Variants in NCOA1 observed in about 807,000 individuals in gnomAD.
The protein encoded by NCOA1 is Hin-2 protein.
NCOA1 carries 35 observed loss-of-function variants against 150.9 expected under a neutral mutation model. The observed-to-expected ratio is 0.23, with a 90% confidence interval of 0.18 to 0.31. The LOEUF (loss-of-function observed/expected upper bound fraction) is 0.31, where lower values mean the gene tolerates loss of function less well. Among genes scored for constraint, NCOA1 ranks in the 10% least tolerant of loss-of-function variants. The pLI, the probability that NCOA1 is intolerant of heterozygous loss-of-function variation, is 1.00. For missense variants in NCOA1, 1,491 were observed against 1,749.3 expected (o/e 0.85, Z 2.63); for synonymous variants, 590 against 630.0 (o/e 0.94, Z 0.95).
At chr2:24,669,604 A>G (rs1671594947) in intron 6 of NCOA1, among the ~76,000 whole-genome samples, 1 of 152,218 alleles carries the variant, frequency 6.6e-6, no homozygotes, top group Admixed American at 6.5e-5. Context: ...TCTTACCCTC[A>G]TGTAATAAAA....
chr2:24,665,493 G>T (rs1217508439), intron 5 of NCOA1, among the ~76,000 whole-genome samples: 1 of 152,052 alleles, frequency 6.6e-6, no homozygotes, highest in African/African-American at 2.4e-5. Context: ...AAATATTCAA[G>T]ATGTATATAT....
intron 4 of NCOA1, among the ~76,000 whole-genome samples, chr2:24,653,381 A>G (rs948154566): frequency 6.6e-6 from 1 of 152,144 alleles, no homozygotes; most frequent in Non-Finnish European, 1.5e-5. Context: ...TTTTTTTCCC[A>G]TTGAAAGACA....
chr2:24,494,525 A>C (rs975191232), intron 1 of NCOA1, among the ~76,000 whole-genome samples: 16 of 152,192 alleles, frequency 1.1e-4, no homozygotes, highest in African/African-American at 3.9e-4. Flanking sequence ...AATCTAAGTC[A>C]TGGAGCATAG....
intron 8 of NCOA1, among the ~76,000 whole-genome samples, chr2:24,687,022 A>C (rs1327430881): frequency 6.6e-6 from 1 of 152,058 alleles, no homozygotes; most frequent in African/African-American, 2.4e-5. Context: ...AACTTCAAGG[A>C]AGCGCCTTTC....
At chr2:24,624,592 G>A (rs943246764) in intron 3 of NCOA1, among the ~76,000 whole-genome samples, 4 of 152,144 alleles carry the variant, frequency 2.6e-5, no homozygotes, top group African/African-American at 9.7e-5. Flanking sequence ...GAAGAGTCAA[G>A]GGAGTTTTCT....
At chr2:24,753,119 T>C (rs1664331825) in intron 20 of NCOA1, among the ~76,000 whole-genome samples, 1 of 132,810 alleles carries the variant, frequency 7.5e-6, no homozygotes, top group African/African-American at 2.8e-5. Context: ...GGACCATGTA[T>C]AAATTAGGTA....
At chr2:24,587,812 T>G (rs1667478435) in intron 3 of NCOA1, among the ~76,000 whole-genome samples, 2 of 152,226 alleles carry the variant, frequency 1.3e-5, no homozygotes, top group South Asian at 4.1e-4. Context: ...ATATACCCAT[T>G]GCTTGGCGGC....
At chr2:24,751,855 A>G in intron 19 of NCOA1, 127 bp from the exon 20 acceptor site, 1 of 930,190 alleles carries the variant, frequency 1.1e-6, no homozygotes, top group African/African-American at 1.7e-5. Context: ...ATATTGCCTG[A>G]CACAAGACAA....
At chr2:24,523,983 C>T (rs1250722953) in intron 1 of NCOA1, among the ~76,000 whole-genome samples, 4 of 137,818 alleles carry the variant, frequency 2.9e-5, no homozygotes, top group South Asian at 2.3e-4. Flanking sequence ...GATTTGAAGA[C>T]CCAAAATTAG....
chr2:24,610,677 A>G (rs1319879635), intron 3 of NCOA1, among the ~76,000 whole-genome samples: 1 of 151,406 alleles, frequency 6.6e-6, no homozygotes, highest in Non-Finnish European at 1.5e-5. Context: ...TATATTTGAT[A>G]ATTCTAATAT....
At chr2:24,536,971 G>T (rs1665173645) in intron 1 of NCOA1, among the ~76,000 whole-genome samples, 1 of 152,120 alleles carries the variant, frequency 6.6e-6, no homozygotes, top group Non-Finnish European at 1.5e-5. Context: ...GACTCAGAAA[G>T]GGGAGGTTGG....
intron 22 of NCOA1, among the ~76,000 whole-genome samples, chr2:24,766,403 G>GT (rs1365438440): frequency 1.3e-5 from 2 of 152,212 alleles, no homozygotes; most frequent in East Asian, 3.9e-4. Flanking sequence ...ACTATATTTT[G>GT]TGGTCATGTG....
At chr2:24,596,733 T>G (rs1325693783) in intron 3 of NCOA1, among the ~76,000 whole-genome samples, 1 of 152,200 alleles carries the variant, frequency 6.6e-6, no homozygotes, top group Non-Finnish European at 1.5e-5. Context: ...TAATCATTTT[T>G]GTGTATACTT....
rs1316509701 is a variant in NCOA1 at position 24,706,649 on chromosome 2, T to C, written c.1179T>C (p.Ser393=). 2 of 1,614,226 alleles carry C rather than the reference T, an allele frequency of 1.2e-6. No individual in the cohort carries two copies. The highest frequency in any genetic ancestry group is 8.5e-7 in the Non-Finnish European group (1 of 1,180,036). The change falls in exon 13 of 23, where the codon AGT becomes AGC. Residue 393 remains serine (S), a synonymous_variant. Coordinates refer to ENST00000348332, the MANE Select transcript of NCOA1 (RefSeq NM_003743.5). ...IPRVNPSVNP[S]ISPAHGVARS... ...GAGTAAATCCCTCGGTCAATCCTAG[T>C]ATCTCTCCAGCTCATGGTGTGGCTC... is the stretch of plus-strand genomic sequence containing the variant.
At chr2:24,492,965 C>CAAAAA (rs10630950) in intron 1 of NCOA1, among the ~76,000 whole-genome samples, 110,061 of 144,796 alleles carry the variant, frequency 0.76, 41,906 homozygotes, top group Admixed American at 0.81. Context: ...AGGCTAGTCT[C>CAAAAA]AAAAAAAAAG....
At chr2:24,611,036 T>G (rs1179833388) in intron 3 of NCOA1, among the ~76,000 whole-genome samples, 1 of 152,158 alleles carries the variant, frequency 6.6e-6, no homozygotes, top group Non-Finnish European at 1.5e-5. Context: ...GTTTGGGGTG[T>G]GAATGACCCT....
intron 12 of NCOA1, 103 bp downstream of exon 12, chr2:24,705,336 A>G (rs1249229519): frequency 4.1e-6 from 5 of 1,231,162 alleles, no homozygotes; most frequent in Non-Finnish European, 4.6e-6. Context: ...GAAATTCTAA[A>G]TTAGGCGTAA....
chr2:24,599,725 CTTT>C (rs33950079), intron 3 of NCOA1, among the ~76,000 whole-genome samples: 37 of 108,460 alleles, frequency 3.4e-4, no homozygotes, highest in East Asian at 5.8e-4. Flanking sequence ...TATGATTGAT[CTTT>C]TTTTTTTTTT....
chr2:24,660,079 A>C (rs1671112008), intron 5 of NCOA1, among the ~76,000 whole-genome samples: 1 of 152,238 alleles, frequency 6.6e-6, no homozygotes, highest in South Asian at 2.1e-4. Flanking sequence ...GAGAGCTGTC[A>C]GAGAGAGACA....
Sources: gnomAD v4.1 joint callset for allele counts (sites outside exome capture counted in the v4.1 genomes callset) on GRCh38, gnomAD v4.1.1 for gene constraint, MANE v1.5 for transcripts, NCBI Gene and HGNC (gene_info 2026-07-23, HGNC 2026-07-21) for gene names.